Variants in CDH18 observed in about 807,000 individuals in gnomAD.
CDH18 encodes cadherin 18, also known as cadherin-18.
In CDH18, 31 loss-of-function variants were observed where a neutral mutation model predicts 67.9. That is an observed-to-expected ratio of 0.46 (90% CI 0.34 to 0.62). The LOEUF (loss-of-function observed/expected upper bound fraction) is 0.62. Ranked by LOEUF, CDH18 falls within the 20% of genes least tolerant of loss-of-function variation. The pLI is 0.01. For synonymous variants in CDH18, 362 were observed against 347.2 expected, an observed-to-expected ratio of 1.04 and a Z score of -0.48; for missense variants, 890 against 975.5, an observed-to-expected ratio of 0.91 and a Z score of 1.17.
intron 4 of CDH18, among the ~76,000 whole-genome samples, chr5:19,725,447 A>T (rs992083296): frequency 2.6e-5 from 4 of 152,206 alleles, no homozygotes; most frequent in East Asian, 1.9e-4. Context: ...AAATATGGTT[A>T]AAAATGATAT....
intron 2 of CDH18, among the ~76,000 whole-genome samples, chr5:20,022,083 T>C (rs537647523): frequency 6.6e-6 from 1 of 152,338 alleles, no homozygotes; most frequent in East Asian, 1.9e-4. Context: ...CTATTGTTAT[T>C]TTCTTATTAT....
intron 1 of CDH18, among the ~76,000 whole-genome samples, chr5:20,421,377 T>TA (rs1553995803): frequency 1.3e-5 from 2 of 150,518 alleles, no homozygotes; most frequent in Non-Finnish European, 2.9e-5. Flanking sequence ...TTTTTTTTTT[T>TA]ATGCTCTTTC....
intron 2 of CDH18, among the ~76,000 whole-genome samples, chr5:19,941,758 T>A (rs1794842601): frequency 6.6e-6 from 1 of 151,726 alleles, no homozygotes; most frequent in Non-Finnish European, 1.5e-5. Context: ...CTGCACACCA[T>A]CCTGGGTGAC....
chr5:19,572,881 A>T (rs766577218), intron 7 of CDH18, among the ~76,000 whole-genome samples: 17 of 152,182 alleles, frequency 1.1e-4, no homozygotes, highest in Non-Finnish European at 1.8e-4. Context: ...AAACAGAATG[A>T]TCAGTACTAT....
chr5:20,000,253 CAATGGTTG>C (rs1736339413), intron 2 of CDH18, among the ~76,000 whole-genome samples: 1 of 152,042 alleles, frequency 6.6e-6, no homozygotes, highest in Non-Finnish European at 1.5e-5. Flanking sequence ...ACTGAATACA[CAATGGTTG>C]ATTAGCACTC....
intron 2 of CDH18, among the ~76,000 whole-genome samples, chr5:20,056,840 C>T (rs571924657): frequency 2.6e-5 from 4 of 151,692 alleles, no homozygotes; most frequent in East Asian, 2.0e-4. Context: ...CCCACCACCA[C>T]GCCCGGCTAA....
At chr5:20,111,542 CTTTCTTTTTTTT>C (rs1398188859) in intron 2 of CDH18, among the ~76,000 whole-genome samples, 3 of 100,078 alleles carry the variant, frequency 3.0e-5, no homozygotes, top group Non-Finnish European at 6.2e-5. Context: ...TTCCTTCCTT[CTTTCTTTTTTTT>C]TTTTTTTTTT....
chr5:20,054,025 C>T (rs949459552), intron 2 of CDH18, among the ~76,000 whole-genome samples: 3 of 152,060 alleles, frequency 2.0e-5, no homozygotes, highest in African/African-American at 7.2e-5. Flanking sequence ...GGAAGTGATC[C>T]CAATGGGACA....
chr5:19,680,993 C>T (rs12109859), intron 5 of CDH18, among the ~76,000 whole-genome samples: 3,076 of 151,918 alleles, frequency 0.02, 83 homozygotes, highest in African/African-American at 0.06. Flanking sequence ...TTTATAATAG[C>T]GATGACGTGG....
chr5:20,299,470 G>T (rs191622143), intron 1 of CDH18, among the ~76,000 whole-genome samples: 261 of 149,354 alleles, frequency 1.7e-3, no homozygotes, highest in African/African-American at 6.2e-3. Context: ...ATTCCAGCAG[G>T]TTTCTTCACA....
intron 10 of CDH18, among the ~76,000 whole-genome samples, chr5:19,518,603 G>A (rs1285432474): frequency 6.6e-6 from 1 of 152,122 alleles, no homozygotes; most frequent in Non-Finnish European, 1.5e-5. Flanking sequence ...TCTTTTTCCT[G>A]TGCTGGATCC....
chr5:20,396,438 T>C (rs1315739213), intron 1 of CDH18, among the ~76,000 whole-genome samples: 1 of 151,618 alleles, frequency 6.6e-6, no homozygotes, highest in East Asian at 1.9e-4. Flanking sequence ...CACATATAAT[T>C]TTTATTTCCT....
At chr5:20,203,600 A>AGAGAGAGAGAGAGAGAG (rs1561874364) in intron 2 of CDH18, among the ~76,000 whole-genome samples, 1 of 150,656 alleles carries the variant, frequency 6.6e-6, no homozygotes, top group African/African-American at 2.5e-5. Flanking sequence ...AGAGAGAGAG[A>AGAGAGAGAGAGAGAGAG]AATTCAACAG....
chr5:20,480,228 C>G, intron 1 of CDH18, among the ~76,000 whole-genome samples: 1 of 152,058 alleles, frequency 6.6e-6, no homozygotes, highest in Middle Eastern at 3.4e-3. Context: ...AGTACACAGA[C>G]AAATACAGAA....
upstream of CDH18, among the ~76,000 whole-genome samples, chr5:19,989,592 T>A (rs1044019772): frequency 2.6e-5 from 4 of 152,178 alleles, no homozygotes; most frequent in Admixed American, 1.3e-4. Context: ...TTGTTAAAGG[T>A]TGTATAATTT....
intron 2 of CDH18, among the ~76,000 whole-genome samples, chr5:19,967,114 T>A (rs1797522470): frequency 6.6e-6 from 1 of 151,608 alleles, no homozygotes; most frequent in Non-Finnish European, 1.5e-5. Flanking sequence ...GTAAAAAAAA[T>A]CTATAATAAA....
At chr5:19,988,389 C>T (rs79633469), upstream of CDH18, among the ~76,000 whole-genome samples, 967 of 152,168 alleles carry the variant, frequency 6.4e-3, 29 homozygotes, top group East Asian at 0.051. Flanking sequence ...CCCAACCCCC[C>T]ACCGTGCATA....
intron 6 of CDH18, among the ~76,000 whole-genome samples, chr5:19,604,130 C>G (rs1443201942): frequency 2.0e-5 from 3 of 151,972 alleles, no homozygotes; most frequent in East Asian, 3.9e-4. Context: ...GGGCATTTGT[C>G]TCACTGAGGC....
At position 20,492,192 on chromosome 5, in the gene CDH18, C is replaced by T. The variant is rs116794876; in HGVS notation, c.-580+83270G>A. ...GTAGTAACATTGATTTTTTTTTTGCCAGAATAAAACTGTAATAAAATATAG... is the reference window on the plus strand; with the variant it reads ...GTAGTAACATTGATTTTTTTTTTGCTAGAATAAAACTGTAATAAAATATAG... On this transcript the variant is annotated intron_variant, in intron 1 of 14. Coordinates refer to the CDH18 transcript ENST00000507958. Among the ~76,000 whole-genome samples, 806 of 151,148 alleles carry T rather than the reference C, an allele frequency of 5.3e-3. 9 individuals are homozygous for T. Among genetic ancestry groups the T allele is most frequent in the African/African-American group, 0.019 (771 of 41,248 alleles).
Sources: gnomAD v4.1 joint callset for allele counts (sites outside exome capture counted in the v4.1 genomes callset) on GRCh38, gnomAD v4.1.1 for gene constraint, MANE v1.5 for transcripts, NCBI Gene and HGNC (gene_info 2026-07-23, HGNC 2026-07-21) for gene names.